CD93: variants seen among roughly 807,000 people sequenced by gnomAD.
The protein encoded by CD93 is CD93 molecule.
In CD93, 44 loss-of-function variants were observed where a neutral mutation model predicts 45.5. The ratio of observed to expected loss-of-function variants is 0.97; its 90% CI spans 0.76 to 1.24. CD93 has a LOEUF of 1.24. Ranked by LOEUF, CD93 falls within the 50% of genes most tolerant of loss-of-function variation. The pLI is 0.00. For missense variants in CD93, 918 were observed against 844.5 expected (o/e 1.09, Z -1.08); for synonymous variants, 431 against 370.8 (o/e 1.16, Z -1.87).
At position 23,082,762 on chromosome 20, in the gene CD93, A is replaced by G. The variant is rs551248986; in HGVS notation, c.*1188T>C. 4 of 152,500 alleles carry G rather than the reference A, an allele frequency of 2.6e-5. No homozygotes were observed. The East Asian group carries it at 7.7e-4, about 29-fold the overall frequency. 9.4% of individuals were successfully genotyped at this position (152,500 alleles called of 1,614,324 possible). On this transcript the variant is annotated 3_prime_UTR_variant, in exon 2 of 2. Coordinates refer to ENST00000246006, the MANE Select transcript of CD93 (RefSeq NM_012072.4). ...TTACCCCCAATTTTAAGGAAAAGAGACAGAGAACAAAAGTTCCTTAAGCAA... is the reference window on the plus strand; with the variant it reads ...TTACCCCCAATTTTAAGGAAAAGAGGCAGAGAACAAAAGTTCCTTAAGCAA...
rs1319355519 is a variant in CD93 at position 23,086,257 on chromosome 20, G to C, written c.-65C>G. Reference sequence around the variant, plus strand: ...CAGCGGCGACAGGAGCTTCTATCTCGGCTCCCAGCTGGGCCCCAAGGGGAG... The same window carrying C: ...CAGCGGCGACAGGAGCTTCTATCTCCGCTCCCAGCTGGGCCCCAAGGGGAG... On this transcript the variant is annotated 5_prime_UTR_variant, in exon 1 of 2. Coordinates refer to ENST00000246006, the MANE Select transcript of CD93 (RefSeq NM_012072.4). The C allele has an allele frequency of 6.9e-7, 1 of 1,452,336 alleles. No individual in the cohort carries two copies. Among genetic ancestry groups the C allele is most frequent in the Admixed American group, 2.5e-5 (1 of 39,806 alleles). The allele number at this position is 1,452,336 out of a possible 1,614,324, so 90.0% of individuals were successfully genotyped here.
chr20:23,083,984 A>G lies in CD93; in HGVS notation c.1935-10T>C. The G allele has an allele frequency of 6.2e-7, 1 of 1,614,084 alleles. No homozygotes were observed. Among genetic ancestry groups the G allele is most frequent in the Non-Finnish European group, 8.5e-7 (1 of 1,179,988 alleles). On this transcript the variant is annotated splice_polypyrimidine_tract_variant and intron_variant, in intron 1 of 1. Transcript: ENST00000246006. ...TGTCCCAGGTGTCGGACTATGGGAAACAAAACAGACAGCGTTGGAAGCCAT... is the reference window on the plus strand; with the variant it reads ...TGTCCCAGGTGTCGGACTATGGGAAGCAAAACAGACAGCGTTGGAAGCCAT...
Position 23,085,831 on chromosome 20 carries a change from T to TGCCCCCC in CD93, c.361_362insGGGGGGC (p.Glu121GlyfsTer9). 4 of 1,491,276 alleles carry TGCCCCCC rather than the reference T, an allele frequency of 2.7e-6. No homozygotes were observed. The highest frequency in any genetic ancestry group is 3.6e-6 in the Non-Finnish European group (4 of 1,097,888). 92.4% of individuals were successfully genotyped at this position (1,491,276 alleles called of 1,614,324 possible). A position where few individuals can be genotyped will look rare whatever the true frequency, so the allele number is the denominator to read the frequency against. ...GTGCCAGTTAGAGTAAGGCGTGTCC[T>TGCCCCCC]CCCCCCCGCCCACCCAGCTGAAGCC... On this transcript the variant is annotated frameshift_variant, in exon 1 of 2. Transcript: ENST00000246006. LOFTEE classifies it high-confidence loss of function.
chr20:23,080,718 C>T lies in CD93; in HGVS notation c.*3232G>A, dbSNP rs1382086304. 6.6e-6 allele frequency: 1 copy of T among 152,224 alleles called. No homozygotes were observed. The highest frequency in any genetic ancestry group is 1.5e-5 in the Non-Finnish European group (1 of 68,058). 9.4% of individuals were successfully genotyped at this position (152,224 alleles called of 1,614,324 possible). On this transcript the variant is annotated 3_prime_UTR_variant, in exon 2 of 2. Coordinates refer to ENST00000246006, the MANE Select transcript of CD93 (RefSeq NM_012072.4). Reference sequence around the variant, plus strand: ...CGTAGTGCTACACGTAGATGTGTTGCATCATGATGCTATGGCAATGACGAT... The same window carrying T: ...CGTAGTGCTACACGTAGATGTGTTGTATCATGATGCTATGGCAATGACGAT...
rs1476978089 is a variant in CD93 at position 23,080,252 on chromosome 20, T to A, written c.*3698A>T. 3 of 152,622 alleles carry A rather than the reference T, an allele frequency of 2.0e-5. No homozygotes were observed. In the East Asian group the frequency reaches 5.8e-4, roughly 29 times the overall value. 9.5% of individuals were successfully genotyped at this position (152,622 alleles called of 1,614,324 possible). A position where few individuals can be genotyped will look rare whatever the true frequency, so the allele number is the denominator to read the frequency against. On this transcript the variant is annotated 3_prime_UTR_variant, in exon 2 of 2. Coordinates refer to ENST00000246006, the MANE Select transcript of CD93 (RefSeq NM_012072.4). ...GACTGTGTTATTTTTAATTCAATTT[T>A]TTTTTGTCAAATCTCATCTCTGTTC...
rs1985386093 is a variant in CD93, at chr20:23,083,643, G to T, written c.*307C>A. The stretch of plus-strand genomic sequence containing the variant: ...TATTCAGGGGAGCCCCTTAGCCCCG[G>T]CCTCCTCACACCCTGATCCGGAATT... On this transcript the variant is annotated 3_prime_UTR_variant, in exon 2 of 2. Coordinates refer to ENST00000246006, the MANE Select transcript of CD93 (RefSeq NM_012072.4). 2.1e-6 allele frequency: 1 copy of T among 475,112 alleles called. No individual in the cohort carries two copies. The highest frequency in any genetic ancestry group is 1.9e-5 in the African/African-American group (1 of 51,418). The allele number at this position is 475,112 out of a possible 1,614,324, so 29.4% of individuals were successfully genotyped here. A position where few individuals can be genotyped will look rare whatever the true frequency, so the allele number is the denominator to read the frequency against.
In CD93 at chr20:23,082,174, T is replaced by A. The variant is rs1600421430; in HGVS notation, c.*1776A>T. 1 of 152,190 alleles carries A rather than the reference T, an allele frequency of 6.6e-6. No individual in the cohort carries two copies. The highest frequency in any genetic ancestry group is 1.9e-4 in the East Asian group (1 of 5,194). 9.4% of individuals were successfully genotyped at this position (152,190 alleles called of 1,614,324 possible). A position where few individuals can be genotyped will look rare whatever the true frequency, so the allele number is the denominator to read the frequency against. ...CCCATCGAGCCGCACAAAACCTCCA[T>A]CTTTCCTTTCACTTCCCCTGCCCCT... On this transcript the variant is annotated 3_prime_UTR_variant, in exon 2 of 2. Transcript: ENST00000246006.
At position 23,084,578 on chromosome 20, in the gene CD93, C is replaced by T. The variant is rs1985418930; in HGVS notation, c.1615G>A (p.Gly539Arg). The change falls in exon 1 of 2, where the codon GGG (glycine) becomes AGG (arginine). Residue 539 changes from glycine (G) to arginine (R), a missense_variant. Coordinates refer to ENST00000246006, the MANE Select transcript of CD93 (RefSeq NM_012072.4). ...SAPLKMLAPS[G>R]SPGVWREPSI... ...GGCTCCCTCCAGACGCCTGGGGACC[C>T]ACTGGGGGCCAGCATCTTGAGTGGG... is the stretch of plus-strand genomic sequence containing the variant. 3.1e-6 allele frequency: 5 copies of T among 1,612,090 alleles called. No homozygotes were observed. Among genetic ancestry groups the T allele is most frequent in the Non-Finnish European group, 3.4e-6 (4 of 1,178,806 alleles).
intron 1 of CD93, 122 bp downstream of exon 1, chr20:23,084,137 A>G (rs1201287400): frequency 7.0e-6 from 10 of 1,425,248 alleles, no homozygotes; most frequent in Non-Finnish European, 7.9e-6. Flanking sequence ...GTCAGCTGCA[A>G]GGACCAGGGT....
Position 23,083,038 on chromosome 20 carries a change from A to C in CD93, c.*912T>G, listed in dbSNP as rs986030230. 6.6e-6 allele frequency: 1 copy of C among 152,622 alleles called. No individual in the cohort carries two copies. The highest frequency in any genetic ancestry group is 2.4e-5 in the African/African-American group (1 of 41,466). The allele number at this position is 152,622 out of a possible 1,614,324, so 9.5% of individuals were successfully genotyped here. A position where few individuals can be genotyped will look rare whatever the true frequency, so the allele number is the denominator to read the frequency against. On this transcript the variant is annotated 3_prime_UTR_variant, in exon 2 of 2. Transcript: ENST00000246006. ...GGCAGGATGAAGTGGAGGCGGGGCC[A>C]CAGGCAGGGTGTCTGAGGCCTGCCC...
In CD93 at chr20:23,084,336, C is replaced by T. The variant is rs1309333151; in HGVS notation, c.1857G>A (p.Lys619=). Reference sequence around the variant, plus strand: ...AACTGTCTGCCGCATTCTGGGGCTTCTTCTCCTTCTTCTCCTCCCTCTTCG... The same window carrying T: ...AACTGTCTGCCGCATTCTGGGGCTTTTTCTCCTTCTTCTCCTCCCTCTTCG... ...RRAKREEKKE[K]KPQNAADSYS... Residue 619 remains lysine, a synonymous_variant, in exon 1 of 2, where the codon AAG becomes AAA. Coordinates refer to ENST00000246006, the MANE Select transcript of CD93 (RefSeq NM_012072.4). The T allele has an allele frequency of 6.2e-7, 1 of 1,614,048 alleles. No homozygotes were observed. Among genetic ancestry groups the T allele is most frequent in the South Asian group, 1.1e-5 (1 of 91,084 alleles).
chr20:23,084,240 C>T lies in CD93; in HGVS notation c.1934+19G>A. 1 of 1,609,970 alleles carries T rather than the reference C, an allele frequency of 6.2e-7. No individual in the cohort carries two copies. The highest frequency in any genetic ancestry group is 8.5e-7 in the Non-Finnish European group (1 of 1,178,132). ...ATGCCTGCCCATCCCCTCCCCCGGT[C>T]ACTCAGGGCCCCCTTTACCTGTACT... On this transcript the variant is annotated intron_variant, in intron 1 of 1. Transcript: ENST00000246006.
rs767952015 is a variant in CD93, at chr20:23,084,686, T to C, written c.1507A>G (p.Thr503Ala). The change falls in exon 1 of 2, where the codon ACA becomes GCA. Residue 503 changes from threonine to alanine, a missense_variant. Coordinates refer to ENST00000246006, the MANE Select transcript of CD93 (RefSeq NM_012072.4). ...TVPRAATASP[T>A]RGPEGTPKAT... ...TTGGGGGTGCCCTCGGGGCCCCTTGTGGGACTGGCTGTTGCAGCACGGGGC... is the reference window on the plus strand; with the variant it reads ...TTGGGGGTGCCCTCGGGGCCCCTTGCGGGACTGGCTGTTGCAGCACGGGGC... 4 of 1,584,986 alleles carry C rather than the reference T, an allele frequency of 2.5e-6. No homozygotes were observed. The highest frequency in any genetic ancestry group is 3.4e-6 in the Non-Finnish European group (4 of 1,166,510).
Position 23,083,274 on chromosome 20 carries a change from C to T in CD93, c.*676G>A, listed in dbSNP as rs1384624489. 6.6e-6 allele frequency: 1 copy of T among 152,270 alleles called. No individual in the cohort carries two copies. The highest frequency in any genetic ancestry group is 1.5e-5 in the Non-Finnish European group (1 of 68,082). 9.4% of individuals were successfully genotyped at this position (152,270 alleles called of 1,614,324 possible). A position where few individuals can be genotyped will look rare whatever the true frequency, so the allele number is the denominator to read the frequency against. On this transcript the variant is annotated 3_prime_UTR_variant, in exon 2 of 2. Coordinates refer to ENST00000246006, the MANE Select transcript of CD93 (RefSeq NM_012072.4). ...AGCAACTTTTCTCATATTTTTCAAG[C>T]TTCCTTTGCAAATAAACCCAAGGCT...
rs1028799045 is a variant in CD93, at chr20:23,083,489, A to G, written c.*461T>C. 6.2e-6 allele frequency: 1 copy of G among 161,756 alleles called. No homozygotes were observed. The highest frequency in any genetic ancestry group is 1.4e-5 in the Non-Finnish European group (1 of 73,734). 10.0% of individuals were successfully genotyped at this position (161,756 alleles called of 1,614,324 possible). ...ATGTTCCCTTTGACCAAAAAACCAG[A>G]TCTTCTTACCTAATTGAATAATTAA... On this transcript the variant is annotated 3_prime_UTR_variant, in exon 2 of 2. Transcript: ENST00000246006.
In CD93 at chr20:23,085,124, C is replaced by G. The variant is rs966909806; in HGVS notation, c.1069G>C (p.Glu357Gln). Reference protein sequence around the residue: ...DECQDSPCAQECVNTPGGFRC... With the variant: ...DECQDSPCAQQCVNTPGGFRC... ...AAGCCCCCAGGGGTGTTGACACACT[C>G]CTGGGCACAGGGGGAGTCCTGGCAT... Residue 357 changes from glutamate (E) to glutamine (Q), a missense_variant, in exon 1 of 2, where the codon GAG (glutamate) becomes CAG (glutamine). Transcript: ENST00000246006. 1 of 1,590,120 alleles carries G rather than the reference C, an allele frequency of 6.3e-7. No homozygotes were observed. Among genetic ancestry groups the G allele is most frequent in the Admixed American group, 1.7e-5 (1 of 58,358 alleles).
At position 23,079,528 on chromosome 20, in the gene CD93, A is replaced by C. The variant is rs895149197; in HGVS notation, c.*4422T>G. 1 of 152,234 alleles carries C rather than the reference A, an allele frequency of 6.6e-6. No homozygotes were observed. The highest frequency in any genetic ancestry group is 2.4e-5 in the African/African-American group (1 of 41,460). The allele number at this position is 152,234 out of a possible 1,614,324, so 9.4% of individuals were successfully genotyped here. ...AGTTTGGGAAACATGCACAGGATGA[A>C]GGTAAATCCTGCATAGAAATCTTGT... On this transcript the variant is annotated 3_prime_UTR_variant, in exon 2 of 2. Coordinates refer to ENST00000246006, the MANE Select transcript of CD93 (RefSeq NM_012072.4).
Position 23,084,976 on chromosome 20 carries a change from G to A in CD93, c.1217C>T (p.Ser406Leu). Reference protein sequence around the residue: ...CAQGCTNTDGSFHCSCEEGYV... With the variant: ...CAQGCTNTDGLFHCSCEEGYV... Reference sequence around the variant, plus strand: ...GCCCTCCTCACAGGAGCAGTGAAATGAGCCATCTGTGTTGGTGCAGCCCTG... The same window carrying A: ...GCCCTCCTCACAGGAGCAGTGAAATAAGCCATCTGTGTTGGTGCAGCCCTG... The change falls in exon 1 of 2, where the codon TCA becomes TTA. Residue 406 changes from serine to leucine, a missense_variant. Physicochemically the swap from Ser to Leu is moderately radical, Grantham distance 145. Coordinates refer to ENST00000246006, the MANE Select transcript of CD93 (RefSeq NM_012072.4). 1 of 1,613,838 alleles carries A rather than the reference G, an allele frequency of 6.2e-7. No homozygotes were observed. Among genetic ancestry groups the A allele is most frequent in the Non-Finnish European group, 8.5e-7 (1 of 1,180,002 alleles).
chr20:23,083,695 G>A lies in CD93; in HGVS notation c.*255C>T. On this transcript the variant is annotated 3_prime_UTR_variant, in exon 2 of 2. Transcript: ENST00000246006. ...GTCACATTGGAATTTGAAAAGGGAG[G>A]GGGAGTAACAATCATTATAGAGTCA... 1.8e-6 allele frequency: 1 copy of A among 562,550 alleles called. No individual in the cohort carries two copies. Among genetic ancestry groups the A allele is most frequent in the Non-Finnish European group, 3.2e-6 (1 of 314,242 alleles). The allele number at this position is 562,550 out of a possible 1,614,324, so 34.8% of individuals were successfully genotyped here.
Sources: allele counts gnomAD v4.1 joint callset, GRCh38; gene constraint gnomAD v4.1.1; transcripts MANE v1.5; gene names NCBI Gene and HGNC (gene_info 2026-07-23, HGNC 2026-07-21).